The following ZFHX3 variants were observed in gnomAD, a reference collection of about 807,000 sequenced individuals.
ZFHX3 encodes zinc finger homeobox protein 3.
A neutral mutation model predicts 279.1 loss-of-function variants in ZFHX3; 42 were observed. The observed-to-expected ratio is 0.15, with a 90% CI of 0.12 to 0.19. The LOEUF is 0.19. ZFHX3 is among the 10% of genes least tolerant of loss of function. The probability of loss-of-function intolerance (pLI) is 1.00; values close to 1 mark genes in which losing one functional copy is unlikely to be tolerated. For missense variants in ZFHX3, 4,981 were observed against 4,754.0 expected (o/e 1.05, Z -1.40); for synonymous variants, 2,293 against 1,957.8 (o/e 1.17, Z -4.52).
intron 4 of ZFHX3, among the ~76,000 whole-genome samples, chr16:73,281,878 AG>A: frequency 6.6e-6 from 1 of 152,318 alleles, no homozygotes; most frequent in Admixed American, 6.5e-5. Flanking sequence ...CAGGGGTTAC[AG>A]GGGCAGCATA....
Position 72,978,859 on chromosome 16 carries a change from T to C in ZFHX3, c.-49-18665A>G, listed in dbSNP as rs1037475601. ...GAGATGATCCTGAAGGCACTTACCA[T>C]TTATTGAGTGCCTACTATGTGCCAG... On this transcript the variant is annotated intron_variant, in intron 1 of 9. Transcript: ENST00000268489. 1.9e-4 allele frequency among the ~76,000 whole-genome samples: 29 copies of C among 152,332 alleles called. No individual in the cohort carries two copies. In the Middle Eastern group the frequency reaches 0.014, roughly 71 times the overall value.
intron 2 of ZFHX3, chr16:73,486,833 A>C (rs1453607565): frequency 6.6e-6 from 3 of 455,888 alleles, no homozygotes; most frequent in African/African-American, 4.0e-5. Flanking sequence ...TCTGCACTTT[A>C]GGGTCTCAGG....
At chr16:73,851,250 A>C (rs1877354) in intron 1 of ZFHX3, among the ~76,000 whole-genome samples, 50,637 of 151,930 alleles carry the variant, frequency 0.33, 10,275 homozygotes, top group Non-Finnish European at 0.46. Flanking sequence ...ACATAAGAGA[A>C]TCAAGAGCCC....
intron 5 of ZFHX3, among the ~76,000 whole-genome samples, chr16:73,155,754 C>A (rs1242017323): frequency 6.6e-6 from 1 of 151,772 alleles, no homozygotes; most frequent in South Asian, 2.1e-4. Flanking sequence ...ACCCAGGAGG[C>A]GGAGGTCACA....
intron 4 of ZFHX3, among the ~76,000 whole-genome samples, chr16:72,854,842 G>C (rs534313548): frequency 6.8e-6 from 1 of 148,110 alleles, no homozygotes; most frequent in African/African-American, 2.5e-5. Flanking sequence ...CCTCCCAGCA[G>C]TGCGCACTCC....
At chr16:72,965,939 A>G (rs1961816739) in intron 1 of ZFHX3, among the ~76,000 whole-genome samples, 1 of 152,240 alleles carries the variant, frequency 6.6e-6, no homozygotes, top group South Asian at 2.1e-4. Flanking sequence ...AGACTTAATG[A>G]TCTGAGAAAT....
At chr16:73,346,100 G>T (rs1482738254) in intron 3 of ZFHX3, among the ~76,000 whole-genome samples, 2 of 152,094 alleles carry the variant, frequency 1.3e-5, no homozygotes, top group Non-Finnish European at 2.9e-5. Flanking sequence ...TGCACCTTTT[G>T]ATCAGCCCCT....
At chr16:73,066,346 T>C (rs935047160) in intron 8 of ZFHX3, among the ~76,000 whole-genome samples, 1 of 152,198 alleles carries the variant, frequency 6.6e-6, no homozygotes, top group African/African-American at 2.4e-5. Flanking sequence ...AATTCGACAG[T>C]TGCCCCGAGA....
chr16:73,689,824 T>G (rs28515722), intron 1 of ZFHX3, among the ~76,000 whole-genome samples: 29,240 of 149,252 alleles, frequency 0.2, 2,999 homozygotes, highest in African/African-American at 0.22. Flanking sequence ...TTTGTTTTTT[T>G]TGTTGTTGTT....
intron 7 of ZFHX3, among the ~76,000 whole-genome samples, chr16:72,801,773 C>G (rs1159427527): frequency 2.0e-5 from 3 of 152,062 alleles, no homozygotes; most frequent in African/African-American, 7.2e-5. Flanking sequence ...AAACTCATTC[C>G]ATCTATTTTC....
intron 2 of ZFHX3, among the ~76,000 whole-genome samples, chr16:73,551,226 T>C (rs560858266): frequency 1.3e-5 from 2 of 152,078 alleles, no homozygotes; most frequent in African/African-American, 4.8e-5. Flanking sequence ...TGATATTGCA[T>C]GAGAAGGGAA....
At chr16:73,315,689 C>A (rs1436414879) in intron 4 of ZFHX3, among the ~76,000 whole-genome samples, 1 of 152,012 alleles carries the variant, frequency 6.6e-6, no homozygotes, top group Non-Finnish European at 1.5e-5. Context: ...AAGGAAAAAG[C>A]AAGGTTAGCA....
intron 1 of ZFHX3, among the ~76,000 whole-genome samples, chr16:73,780,765 A>C (rs1239960736): frequency 6.6e-6 from 1 of 152,212 alleles, no homozygotes. Flanking sequence ...ATTCTGATGC[A>C]GACTCATCAT....
chr16:73,033,052 C>G (rs1003470119), intron 1 of ZFHX3, among the ~76,000 whole-genome samples: 15 of 152,258 alleles, frequency 9.9e-5, no homozygotes, highest in African/African-American at 3.4e-4. Flanking sequence ...TCCCAACCCA[C>G]TCAAGTTTCT....
chr16:73,744,422 G>T (rs1316203521), intron 1 of ZFHX3, among the ~76,000 whole-genome samples: 1 of 152,154 alleles, frequency 6.6e-6, no homozygotes, highest in African/African-American at 2.4e-5. Context: ...GCTAGAAGTG[G>T]AGCTTTCAAT....
At chr16:73,692,420 C>G (rs1381845468) in intron 1 of ZFHX3, among the ~76,000 whole-genome samples, 1 of 152,154 alleles carries the variant, frequency 6.6e-6, no homozygotes, top group African/African-American at 2.4e-5. Context: ...CAGCCAGATG[C>G]CAATGACACT....
chr16:73,745,464 A>G (rs893142839), intron 1 of ZFHX3, among the ~76,000 whole-genome samples: 1 of 152,216 alleles, frequency 6.6e-6, no homozygotes, highest in Non-Finnish European at 1.5e-5. Context: ...ATGGGTCAGG[A>G]ACTAAAGTAT....
chr16:73,817,893 C>A (rs142487203), intron 1 of ZFHX3, among the ~76,000 whole-genome samples: 2 of 152,146 alleles, frequency 1.3e-5, no homozygotes, highest in Non-Finnish European at 2.9e-5. Flanking sequence ...TCATTTGTAC[C>A]GAACCCCCCT....
chr16:73,347,060 T>G (rs1055691046), intron 3 of ZFHX3, among the ~76,000 whole-genome samples: 1 of 152,198 alleles, frequency 6.6e-6, no homozygotes, highest in African/African-American at 2.4e-5. Context: ...GCTAGGTGCC[T>G]GAACCCAGAT....
Sources: gnomAD v4.1 joint callset for allele counts (sites outside exome capture counted in the v4.1 genomes callset) on GRCh38, gnomAD v4.1.1 for gene constraint, MANE v1.5 for transcripts, NCBI Gene and HGNC (gene_info 2026-07-23, HGNC 2026-07-21) for gene names.